DOCK1: variants seen among roughly 807,000 people sequenced by gnomAD.
DOCK1 encodes the protein dedicator of cytokinesis protein 1.
In DOCK1, 138 loss-of-function variants were observed where a neutral mutation model predicts 262.7. The observed-to-expected ratio is 0.53, with a 90% CI of 0.46 to 0.61. DOCK1 has a LOEUF of 0.61. DOCK1 is among the 20% of genes least tolerant of loss of function. The pLI, the probability that DOCK1 is intolerant of heterozygous loss-of-function variation, is 0.00. For missense variants in DOCK1, 1,908 were observed against 2,370.7 expected (o/e 0.80, Z 4.05); for synonymous variants, 866 against 867.4 (o/e 1.00, Z 0.03).
intron 38 of DOCK1, among the ~76,000 whole-genome samples, chr10:127,398,198 A>G (rs1473904624): frequency 2.0e-5 from 3 of 152,216 alleles, no homozygotes; most frequent in African/African-American, 7.2e-5. Context: ...GCAAAAAGTC[A>G]ATCCTGCACC....
At chr10:127,422,310 A>G (rs1268166647) in intron 46 of DOCK1, among the ~76,000 whole-genome samples, 1 of 151,426 alleles carries the variant, frequency 6.6e-6, no homozygotes, top group Non-Finnish European at 1.5e-5. Context: ...GGGACTACAG[A>G]TGTGTGCCAC....
intron 27 of DOCK1, among the ~76,000 whole-genome samples, chr10:127,206,537 A>G (rs2057732933): frequency 6.6e-6 from 1 of 152,178 alleles, no homozygotes; most frequent in Non-Finnish European, 1.5e-5. Context: ...ATTTCTGCAC[A>G]TGTTCCTTGG....
rs572604299 is a variant in DOCK1 at position 127,322,517 on chromosome 10, G to T, written c.3045-16489G>T. Among the ~76,000 whole-genome samples, 5 of 138,768 alleles carry T rather than the reference G, an allele frequency of 3.6e-5. No individual in the cohort carries two copies. In the Admixed American group the frequency reaches 3.7e-4, roughly 10 times the overall value. The allele number at this position is 138,768 out of a possible 152,430, so 91.0% of individuals were successfully genotyped here. A position where few individuals can be genotyped will look rare whatever the true frequency, so the allele number is the denominator to read the frequency against. On this transcript the variant is annotated intron_variant, in intron 29 of 51. Transcript: ENST00000623213. ...ACACACATAATTTTCTAAACCAGGG[G>T]TTGACAAGCTGTAACTGATGACCCA...
chr10:126,943,592 C>A (rs1245433709), intron 1 of DOCK1, among the ~76,000 whole-genome samples: 1 of 152,144 alleles, frequency 6.6e-6, no homozygotes, highest in Non-Finnish European at 1.5e-5. Flanking sequence ...CCTGTGCCTG[C>A]AAAATGACTG....
chr10:127,386,127 T>A (rs1248782391), intron 38 of DOCK1, among the ~76,000 whole-genome samples: 2 of 152,052 alleles, frequency 1.3e-5, no homozygotes, highest in Non-Finnish European at 2.9e-5. Context: ...CTCGACAGAG[T>A]CCCCGTGGTC....
At chr10:127,341,530 T>C (rs2063424728) in intron 30 of DOCK1, among the ~76,000 whole-genome samples, 1 of 152,274 alleles carries the variant, frequency 6.6e-6, no homozygotes, top group Non-Finnish European at 1.5e-5. Context: ...GCAGTATTTT[T>C]TTCCCCATCT....
At chr10:127,079,937 AAAAT>A (rs1306953961) in intron 23 of DOCK1, among the ~76,000 whole-genome samples, 1 of 152,200 alleles carries the variant, frequency 6.6e-6, no homozygotes, top group Non-Finnish European at 1.5e-5. Flanking sequence ...GTCCCAATAA[AAAAT>A]AAATAAATAA....
At chr10:127,136,387 T>C (rs1017856561) in intron 27 of DOCK1, 2 of 151,602 alleles carry the variant, frequency 1.3e-5, no homozygotes, top group African/African-American at 4.9e-5. Flanking sequence ...GGTGTGCATG[T>C]CAGCACTCCA....
chr10:126,958,457 C>T (rs2036923773), intron 1 of DOCK1, among the ~76,000 whole-genome samples: 2 of 152,160 alleles, frequency 1.3e-5, no homozygotes, highest in African/African-American at 4.8e-5. Context: ...GAGACCAGAG[C>T]AGGGACTCTG....
chr10:127,140,509 C>T (rs933898364), intron 27 of DOCK1, among the ~76,000 whole-genome samples: 1 of 152,182 alleles, frequency 6.6e-6, no homozygotes, highest in South Asian at 2.1e-4. Context: ...TGGGATGACG[C>T]CCGTGCACCA....
At chr10:127,096,582 A>T (rs2047924450) in intron 23 of DOCK1, among the ~76,000 whole-genome samples, 1 of 152,136 alleles carries the variant, frequency 6.6e-6, no homozygotes, top group South Asian at 2.1e-4. Flanking sequence ...ATATAAAGAT[A>T]TGCTAATGGA....
rs1032229382 is a variant in DOCK1 at position 127,111,149 on chromosome 10, C to T, written c.2623+795C>T. Among the ~76,000 whole-genome samples, 9 of 152,166 alleles carry T rather than the reference C, an allele frequency of 5.9e-5. 1 individual carries two copies. The highest frequency in any genetic ancestry group is 1.7e-4 in the African/African-American group (7 of 41,442). Reference sequence around the variant, plus strand: ...TCACGGATCCCAGACTTGGGATGTCCCTGTTAAGTTACGGGCTGGGTTTGG... The same window carrying T: ...TCACGGATCCCAGACTTGGGATGTCTCTGTTAAGTTACGGGCTGGGTTTGG... On this transcript the variant is annotated intron_variant, in intron 25 of 51. Transcript: ENST00000623213.
chr10:127,056,282 G>A (rs932332675), intron 22 of DOCK1, among the ~76,000 whole-genome samples: 2 of 152,166 alleles, frequency 1.3e-5, no homozygotes, highest in African/African-American at 4.8e-5. Context: ...ATAGGTCACT[G>A]CAGCCTCAAA....
chr10:127,137,811 C>G, intron 27 of DOCK1: 1 of 1,595,252 alleles, frequency 6.3e-7, no homozygotes, highest in Non-Finnish European at 8.5e-7. Flanking sequence ...CTAAAGACGG[C>G]CTCGAGACTC....
intron 1 of DOCK1, among the ~76,000 whole-genome samples, chr10:126,944,841 C>T (rs992070753): frequency 1.3e-5 from 2 of 151,868 alleles, no homozygotes; most frequent in African/African-American, 4.8e-5. Flanking sequence ...GAGCTGAAAA[C>T]AATGTTTTTG....
intron 21 of DOCK1, among the ~76,000 whole-genome samples, chr10:127,045,048 A>G (rs1450047685): frequency 6.6e-6 from 1 of 151,888 alleles, no homozygotes; most frequent in African/African-American, 2.4e-5. Context: ...AAATGCAAAA[A>G]TTAGCTGCGC....
intron 28 of DOCK1, among the ~76,000 whole-genome samples, chr10:127,252,095 G>C (rs1180080404): frequency 6.7e-6 from 1 of 148,202 alleles, no homozygotes; most frequent in Non-Finnish European, 1.5e-5. Context: ...GTGTGAGATG[G>C]TATCTCATTG....
intron 21 of DOCK1, 63 bp downstream of exon 21, chr10:127,043,227 C>A (rs2044134841): frequency 1.5e-6 from 2 of 1,290,896 alleles, no homozygotes; most frequent in African/African-American, 1.5e-5. Context: ...TATTTAGAGT[C>A]TTTTTCATGT....
chr10:127,194,295 C>G (rs1437258907), intron 27 of DOCK1, among the ~76,000 whole-genome samples: 1 of 152,186 alleles, frequency 6.6e-6, no homozygotes, highest in Non-Finnish European at 1.5e-5. Flanking sequence ...GCAGTGCCAT[C>G]TAATGTAAGT....
Sources: allele counts gnomAD v4.1 joint callset (sites outside exome capture counted in the v4.1 genomes callset), GRCh38; gene constraint gnomAD v4.1.1; transcripts MANE v1.5; gene names NCBI Gene and HGNC (gene_info 2026-07-23, HGNC 2026-07-21).